The following MANSC4 variants were observed in gnomAD, a reference collection of about 807,000 sequenced individuals.
The protein encoded by MANSC4 is MANSC domain-containing protein 4.
In MANSC4, 11 loss-of-function variants were observed where a neutral mutation model predicts 11.4. The ratio of observed to expected loss-of-function variants is 0.97; its 90% confidence interval spans 0.61 to 1.60. The LOEUF is 1.60. MANSC4 is among the 40% of genes most tolerant of loss of function. MANSC4 has a pLI of 0.00. For synonymous variants in MANSC4, 123 were observed against 147.1 expected, an observed-to-expected ratio of 0.84 and a Z score of 1.19; for missense variants, 354 against 404.6, an observed-to-expected ratio of 0.88 and a Z score of 1.07.
chr12:27,771,010 T>C (rs2062097927), intron 2 of MANSC4, 38 bp downstream of exon 2: 1 of 1,478,486 alleles, frequency 6.8e-7, no homozygotes, highest in South Asian at 1.3e-5. Flanking sequence ...CTTGGAAGTT[T>C]CTTCTTATTT....
intron 1 of MANSC4, among the ~76,000 whole-genome samples, chr12:27,773,733 C>T (rs528160581): frequency 6.6e-6 from 1 of 152,276 alleles, no homozygotes; most frequent in African/African-American, 2.4e-5. Context: ...GAACTTTTAC[C>T]TAAACAACGA....
In MANSC4 at chr12:27,766,793, C is replaced by T. The variant is rs771200039; in HGVS notation, c.236G>A (p.Cys79Tyr). 3.0e-5 allele frequency: 47 copies of T among 1,550,650 alleles called. No individual in the cohort carries two copies. In the South Asian group the frequency reaches 5.5e-4, roughly 18 times the overall value. Residue 79 changes from cysteine to tyrosine, a missense_variant, in exon 3 of 4, where the codon TGT becomes TAT. By Grantham distance (194) the Cys-to-Tyr change is radical. Transcript: ENST00000381273. ...ACTGTGGTAGAAGACAGCCAGGTTACAGGAAACTGAAAGGGAAACAAGCGA... is the reference window on the plus strand; with the variant it reads ...ACTGTGGTAGAAGACAGCCAGGTTATAGGAAACTGAAAGGGAAACAAGCGA... Reference protein sequence around the residue: ...RSCCLRKDVSCNLAVFYHSPI... With the variant: ...RSCCLRKDVSYNLAVFYHSPI...
chr12:27,775,692 G>A (rs753704991), intron 1 of MANSC4, among the ~76,000 whole-genome samples: 4 of 151,942 alleles, frequency 2.6e-5, no homozygotes, highest in Non-Finnish European at 5.9e-5. Flanking sequence ...ATCGGTCACT[G>A]CACTGGCCTC....
At chr12:27,778,743 C>G (rs1357357617) in intron 1 of MANSC4, among the ~76,000 whole-genome samples, 1 of 152,172 alleles carries the variant, frequency 6.6e-6, no homozygotes, top group Non-Finnish European at 1.5e-5. Context: ...AAAGATAATC[C>G]AAACAATATA....
intron 1 of MANSC4, among the ~76,000 whole-genome samples, chr12:27,777,124 A>G (rs1038734256): frequency 6.6e-6 from 1 of 152,218 alleles, no homozygotes; most frequent in Non-Finnish European, 1.5e-5. Context: ...TGTGAGACTA[A>G]TACCCCAGAC....
chr12:27,776,359 T>C (rs1194043520), intron 1 of MANSC4, among the ~76,000 whole-genome samples: 1 of 152,208 alleles, frequency 6.6e-6, no homozygotes, highest in Non-Finnish European at 1.5e-5. Flanking sequence ...AGCAATACTG[T>C]GATAAACATC....
At chr12:27,775,908 G>A (rs771793925) in intron 1 of MANSC4, among the ~76,000 whole-genome samples, 1 of 147,724 alleles carries the variant, frequency 6.8e-6, no homozygotes, top group Non-Finnish European at 1.5e-5. Flanking sequence ...TGGCCAACAT[G>A]GTGAAAACCC....
At chr12:27,772,376 C>T (rs1277704026) in intron 1 of MANSC4, among the ~76,000 whole-genome samples, 1 of 152,090 alleles carries the variant, frequency 6.6e-6, no homozygotes, top group Non-Finnish European at 1.5e-5. Flanking sequence ...TCTTTTATAC[C>T]TTTTTATACA....
chr12:27,764,477 T>C (rs2062063023), intron 3 of MANSC4, among the ~76,000 whole-genome samples: 1 of 152,210 alleles, frequency 6.6e-6, no homozygotes, highest in African/African-American at 2.4e-5. Flanking sequence ...TCTCCCAGAC[T>C]GCCTGCCTCT....
In MANSC4 at chr12:27,762,747, G is replaced by C; in HGVS notation, c.1014C>G (p.Asn338Lys). 6.5e-7 allele frequency: 1 copy of C among 1,529,360 alleles called. No individual in the cohort carries two copies. Among genetic ancestry groups the C allele is most frequent in the Non-Finnish European group, 8.8e-7 (1 of 1,136,984 alleles). The allele number at this position is 1,529,360 out of a possible 1,614,324, so 94.7% of individuals were successfully genotyped here. ...CTTGCTACAGTTTTTACTATGAAGAGTTCTCCTTCATATGGTTACGGTTTT... is the reference window on the plus strand; with the variant it reads ...CTTGCTACAGTTTTTACTATGAAGACTTCTCCTTCATATGGTTACGGTTTT... Reference protein sequence around the residue: ...QIKNRNHMKENSS With the variant: ...QIKNRNHMKEKSS The change falls in exon 4 of 4, where the codon AAC becomes AAG. Residue 338 changes from asparagine to lysine, a missense_variant. Coordinates refer to ENST00000381273, the MANE Select transcript of MANSC4 (RefSeq NM_001146221.5).
At position 27,771,336 on chromosome 12, in the gene MANSC4, T is replaced by G; in HGVS notation, c.-60A>C. ...TGATTTCCAGACAGAAGCTGAACAC[T>G]GGAGTTTAGGACAGTCTCTGGAACG... is the stretch of plus-strand genomic sequence containing the variant. On this transcript the variant is annotated 5_prime_UTR_variant, in exon 2 of 4. Coordinates refer to ENST00000381273, the MANE Select transcript of MANSC4 (RefSeq NM_001146221.5). 2.8e-6 allele frequency: 4 copies of G among 1,441,880 alleles called. No homozygotes were observed. The highest frequency in any genetic ancestry group is 3.8e-6 in the Non-Finnish European group (4 of 1,060,454). The allele number at this position is 1,441,880 out of a possible 1,614,324, so 89.3% of individuals were successfully genotyped here. A position where few individuals can be genotyped will look rare whatever the true frequency, so the allele number is the denominator to read the frequency against.
intron 1 of MANSC4, among the ~76,000 whole-genome samples, chr12:27,775,782 A>T (rs80256615): frequency 2.7e-5 from 4 of 150,824 alleles, no homozygotes; most frequent in African/African-American, 9.7e-5. Flanking sequence ...TTTTTTTTTT[A>T]AACTTTATGT....
chr12:27,778,102 G>A (rs1347986762), intron 1 of MANSC4, among the ~76,000 whole-genome samples: 1 of 151,852 alleles, frequency 6.6e-6, no homozygotes, highest in Non-Finnish European at 1.5e-5. Context: ...GCTCATGCCT[G>A]GAATCCCAGC....
At chr12:27,778,567 A>AT (rs1462271121) in intron 1 of MANSC4, among the ~76,000 whole-genome samples, 2 of 150,436 alleles carry the variant, frequency 1.3e-5, no homozygotes, top group African/African-American at 2.4e-5. Context: ...TGTAATAATA[A>AT]AAAAAAAAAC....
intron 1 of MANSC4, among the ~76,000 whole-genome samples, chr12:27,777,268 A>G (rs1196673572): frequency 1.3e-5 from 2 of 152,242 alleles, no homozygotes; most frequent in Non-Finnish European, 2.9e-5. Flanking sequence ...AGGCATATCT[A>G]TGACGGCTGG....
intron 3 of MANSC4, 90 bp downstream of exon 3, chr12:27,766,575 T>A: frequency 1.5e-6 from 2 of 1,354,048 alleles, no homozygotes; most frequent in Non-Finnish European, 2.0e-6. Flanking sequence ...GGGACTCACA[T>A]ATGGCTATTG....
chr12:27,763,237 G>A lies in MANSC4; in HGVS notation c.524C>T (p.Ser175Phe). Residue 175 changes from serine to phenylalanine, a missense_variant, in exon 4 of 4, where the codon TCC becomes TTC. Ser to Phe is a radical substitution (Grantham distance 155, BLOSUM62 -2). Coordinates refer to ENST00000381273, the MANE Select transcript of MANSC4 (RefSeq NM_001146221.5). ...NGMLPSTEAP[S>F]STTHQDLVVN... is the part of the protein sequence containing the mutation. ...AACCAAATCTTGATGCGTGGTTGAGGATGGAGCCTCTGTGGATGGCAGCAT... is the reference window on the plus strand; with the variant it reads ...AACCAAATCTTGATGCGTGGTTGAGAATGGAGCCTCTGTGGATGGCAGCAT... 1 of 1,551,694 alleles carries A rather than the reference G, an allele frequency of 6.4e-7. No homozygotes were observed. Among genetic ancestry groups the A allele is most frequent in the Non-Finnish European group, 8.7e-7 (1 of 1,147,010 alleles).
At chr12:27,773,013 A>T (rs989789768) in intron 1 of MANSC4, among the ~76,000 whole-genome samples, 2 of 152,226 alleles carry the variant, frequency 1.3e-5, no homozygotes, top group Non-Finnish European at 2.9e-5. Context: ...CTGTCAGATT[A>T]TATTTAAATA....
rs1370653994 is a variant in MANSC4 at position 27,771,046 on chromosome 12, ACCAT to A, written c.227_229+1del. 2 of 1,547,926 alleles carry A rather than the reference ACCAT, an allele frequency of 1.3e-6. No individual in the cohort carries two copies. Among genetic ancestry groups the A allele is most frequent in the Non-Finnish European group, 8.7e-7 (1 of 1,145,396 alleles). On this transcript the variant is annotated splice_donor_variant and coding_sequence_variant, in exon 2 of 4. Coordinates refer to ENST00000381273, the MANE Select transcript of MANSC4 (RefSeq NM_001146221.5). LOFTEE classifies it high-confidence loss of function. Reference sequence around the variant, plus strand: ...TTGCCCAAGCATATCATGAATACTTACCATCCTTCCGAAGACAGCAGCTCCTACT... The same window carrying A: ...TTGCCCAAGCATATCATGAATACTTACCTTCCGAAGACAGCAGCTCCTACT...
Sources: allele counts gnomAD v4.1 joint callset (sites outside exome capture counted in the v4.1 genomes callset), GRCh38; gene constraint gnomAD v4.1.1; transcripts MANE v1.5; gene names NCBI Gene and HGNC (gene_info 2026-07-23, HGNC 2026-07-21).